The following TNR variants were observed in gnomAD, a reference collection of about 807,000 sequenced individuals.
TNR encodes tenascin R.
In TNR, 45 loss-of-function variants were observed where a neutral mutation model predicts 150.4. That is an observed-to-expected ratio of 0.30 (90% CI 0.24 to 0.38). TNR has a LOEUF of 0.38. TNR is among the 10% of genes least tolerant of loss of function. The pLI is 1.00. For synonymous variants in TNR, 687 were observed against 678.4 expected, an observed-to-expected ratio of 1.01 and a Z score of -0.20; for missense variants, 1,544 against 1,759.1, an observed-to-expected ratio of 0.88 and a Z score of 2.19.
At chr1:175,587,252 T>C (rs994482037) in intron 1 of TNR, among the ~76,000 whole-genome samples, 1 of 152,186 alleles carries the variant, frequency 6.6e-6, no homozygotes. Flanking sequence ...GTCCTGATTG[T>C]TAATAAATAA....
intron 10 of TNR, among the ~76,000 whole-genome samples, chr1:175,366,982 G>A (rs1054433553): frequency 2.6e-5 from 4 of 152,150 alleles, no homozygotes; most frequent in Admixed American, 6.5e-5. Flanking sequence ...TTCAGACCAC[G>A]GGGGACCGAG....
intron 4 of TNR, among the ~76,000 whole-genome samples, chr1:175,399,929 G>A (rs1487718504): frequency 6.6e-6 from 1 of 152,248 alleles, no homozygotes; most frequent in Non-Finnish European, 1.5e-5. Flanking sequence ...GGGTGCCAAA[G>A]GTTGGGCTGG....
At chr1:175,363,010 C>T (rs927814545) in intron 13 of TNR, among the ~76,000 whole-genome samples, 5 of 152,182 alleles carry the variant, frequency 3.3e-5, no homozygotes, top group Non-Finnish European at 5.9e-5. Flanking sequence ...TTTATGGGCT[C>T]CTTGGAGCAA....
chr1:175,563,706 A>G (rs1180164012), intron 1 of TNR, among the ~76,000 whole-genome samples: 9 of 152,164 alleles, frequency 5.9e-5, no homozygotes. Context: ...CAACATGGAG[A>G]CTTCTGCTGG....
At chr1:175,410,648 T>A (rs939003099) in intron 2 of TNR, among the ~76,000 whole-genome samples, 8 of 152,172 alleles carry the variant, frequency 5.3e-5, no homozygotes, top group Non-Finnish European at 1.0e-4. Flanking sequence ...TTCTGGCTGA[T>A]GAATTGTGAG....
chr1:175,644,232 C>T (rs556245077), intron 1 of TNR, among the ~76,000 whole-genome samples: 16 of 152,284 alleles, frequency 1.1e-4, no homozygotes, highest in Non-Finnish European at 2.1e-4. Flanking sequence ...TCCAACAGCA[C>T]GCCATTCCTC....
chr1:175,739,161 C>A (rs148380526), intron 1 of TNR, among the ~76,000 whole-genome samples: 5 of 152,088 alleles, frequency 3.3e-5, no homozygotes, highest in Non-Finnish European at 5.9e-5. Context: ...AGGCAGGTGA[C>A]CCCAGAAAGA....
At chr1:175,377,401 C>T (rs932150516) in intron 9 of TNR, among the ~76,000 whole-genome samples, 3 of 150,972 alleles carry the variant, frequency 2.0e-5, no homozygotes, top group Admixed American at 6.6e-5. Flanking sequence ...AATTAGCCTG[C>T]GGCTCTAGGC....
chr1:175,711,269 C>G (rs74129321), intron 1 of TNR, among the ~76,000 whole-genome samples: 1 of 152,034 alleles, frequency 6.6e-6, no homozygotes, highest in Non-Finnish European at 1.5e-5. Flanking sequence ...CATGAAGGTG[C>G]CATTTGAGCA....
intron 2 of TNR, among the ~76,000 whole-genome samples, chr1:175,519,529 CTT>C (rs1659550460): frequency 6.6e-6 from 1 of 152,196 alleles, no homozygotes; most frequent in Non-Finnish European, 1.5e-5. Flanking sequence ...TCAATATACT[CTT>C]TACCATTTCA....
intron 1 of TNR, among the ~76,000 whole-genome samples, chr1:175,607,698 C>T (rs1488726028): frequency 2.6e-5 from 4 of 152,178 alleles, no homozygotes; most frequent in South Asian, 2.1e-4. Context: ...AAGAACAGTA[C>T]GCCAGAGGGA....
chr1:175,660,012 T>C (rs1665315096), intron 1 of TNR, among the ~76,000 whole-genome samples: 1 of 151,222 alleles, frequency 6.6e-6, no homozygotes, highest in South Asian at 2.1e-4. Context: ...AATTGACCCC[T>C]GACTTAGATG....
intron 2 of TNR, among the ~76,000 whole-genome samples, chr1:175,515,265 C>A (rs751873874): frequency 7.2e-5 from 11 of 152,160 alleles, no homozygotes; most frequent in South Asian, 4.1e-4. Flanking sequence ...AGGTGAAACA[C>A]TGTGTAGTCT....
chr1:175,406,464 T>A lies in TNR; in HGVS notation c.251A>T (p.Glu84Val). The A allele has an allele frequency of 6.2e-7, 1 of 1,614,202 alleles. No homozygotes were observed. Among genetic ancestry groups the A allele is most frequent in the Non-Finnish European group, 8.5e-7 (1 of 1,180,038 alleles). The change falls in exon 3 of 23, where the codon GAG (glutamate) becomes GTG (valine). Residue 84 changes from glutamate (E) to valine (V), a missense_variant. Glu to Val is a moderately radical substitution (Grantham distance 121). Around this residue, in one of 2 missense-constraint regions of TNR, gnomAD observed 1,254 missense variants for 1,329.4 expected, o/e 0.94. Coordinates refer to ENST00000367674, the MANE Select transcript of TNR (RefSeq NM_003285.3). ...PLDNLCSSGL[E>V]ASAEQEVSAE... ...ACTCACCTCCTGCTCAGCAGAGGCC[T>A]CTAGCCCTGAGGAGCAGAGGTTGTC...
At chr1:175,460,056 T>A (rs1162982124) in intron 2 of TNR, among the ~76,000 whole-genome samples, 2 of 152,182 alleles carry the variant, frequency 1.3e-5, no homozygotes, top group South Asian at 2.1e-4. Context: ...CAGATTGGCA[T>A]TATGAAAAGC....
At chr1:175,425,550 G>A (rs2102065596) in intron 2 of TNR, among the ~76,000 whole-genome samples, 2 of 152,238 alleles carry the variant, frequency 1.3e-5, no homozygotes, top group Admixed American at 1.3e-4. Context: ...TCATAAGCAT[G>A]GGATGGAATT....
intron 1 of TNR, among the ~76,000 whole-genome samples, chr1:175,727,484 G>T (rs991540321): frequency 6.6e-6 from 1 of 152,190 alleles, no homozygotes; most frequent in Admixed American, 6.5e-5. Flanking sequence ...GATGTTTTCA[G>T]TAAGTTTTGC....
intron 1 of TNR, among the ~76,000 whole-genome samples, chr1:175,682,421 C>T (rs974072317): frequency 3.9e-5 from 6 of 152,066 alleles, no homozygotes; most frequent in Admixed American, 2.0e-4. Context: ...AGTCAGGGTG[C>T]AGCCTCCAGA....
intron 2 of TNR, among the ~76,000 whole-genome samples, chr1:175,499,379 G>T (rs890148943): frequency 6.6e-6 from 1 of 152,150 alleles, no homozygotes; most frequent in Non-Finnish European, 1.5e-5. Context: ...TGTAAAGTTG[G>T]GCTCTCCCTG....
Sources: gnomAD v4.1 joint callset for allele counts (sites outside exome capture counted in the v4.1 genomes callset) on GRCh38, gnomAD v4.1.1 for gene constraint, gnomAD v4.1.1 regional missense constraint, MANE v1.5 for transcripts, NCBI Gene and HGNC (gene_info 2026-07-23, HGNC 2026-07-21) for gene names.